The following TASP1 variants were observed in gnomAD, a reference collection of about 807,000 sequenced individuals.
The protein encoded by TASP1 is threonine aspartase 1.
Under a neutral mutation model 56.6 loss-of-function variants are expected in TASP1, and 16 were observed. The observed-to-expected ratio is 0.28, with a 90% CI of 0.19 to 0.43. TASP1 has a LOEUF of 0.43. TASP1 is among the 20% of genes least tolerant of loss of function. TASP1 has a pLI of 1.00. For missense variants in TASP1, 393 were observed against 511.6 expected (o/e 0.77, Z 2.24); for synonymous variants, 179 against 184.2 (o/e 0.97, Z 0.23).
the TASP1 span, among the ~76,000 whole-genome samples, chr20:13,158,993 T>G: frequency 1.3e-5 from 2 of 152,208 alleles, no homozygotes; most frequent in African/African-American, 4.8e-5. Flanking sequence ...TTTACCTCAC[T>G]TATGGGTAAA....
At chr20:13,555,563 C>A (rs1350069688) in intron 8 of TASP1, among the ~76,000 whole-genome samples, 1 of 152,052 alleles carries the variant, frequency 6.6e-6, no homozygotes, top group East Asian at 1.9e-4. Flanking sequence ...CATCTTCAGG[C>A]CCTACCTCTA....
chr20:13,411,044 T>C (rs1378372564), intron 13 of TASP1, among the ~76,000 whole-genome samples: 1 of 152,168 alleles, frequency 6.6e-6, no homozygotes, highest in Non-Finnish European at 1.5e-5. Flanking sequence ...TTCTTCTGCA[T>C]ATGAATATCT....
At chr20:13,425,006 C>A (rs747154242) in intron 12 of TASP1, among the ~76,000 whole-genome samples, 9 of 152,184 alleles carry the variant, frequency 5.9e-5, no homozygotes, top group Non-Finnish European at 1.2e-4. Context: ...TAGGGATGAG[C>A]TGCACGTGTG....
chr20:13,434,338 C>T (rs2042930735), intron 12 of TASP1, among the ~76,000 whole-genome samples: 1 of 152,056 alleles, frequency 6.6e-6, no homozygotes, highest in Non-Finnish European at 1.5e-5. Flanking sequence ...TTTAATGTGT[C>T]CCCTCTGGAG....
chr20:13,347,841 C>CAAAA, the TASP1 span, among the ~76,000 whole-genome samples: 1 of 101,794 alleles, frequency 9.8e-6, no homozygotes, highest in African/African-American at 3.6e-5. Context: ...GACTTTGTCT[C>CAAAA]AAAAAAAAAA....
chr20:13,588,310 A>AAGGAAGGAAGGAAGG (rs1568618336), intron 4 of TASP1, among the ~76,000 whole-genome samples: 60 of 101,804 alleles, frequency 5.9e-4, no homozygotes, highest in Non-Finnish European at 1.2e-3. Flanking sequence ...AGGAAGGAAG[A>AAGGAAGGAAGGAAGG]GAAAGAAAAG....
intron 6 of TASP1, among the ~76,000 whole-genome samples, chr20:13,576,395 A>AAGAAAGTAAGTC (rs1555793620): frequency 7.0e-6 from 1 of 142,316 alleles, no homozygotes; most frequent in East Asian, 2.0e-4. Flanking sequence ...GAAAGAAAGA[A>AAGAAAGTAAGTC]AGTCAGTCTT....
the TASP1 span, among the ~76,000 whole-genome samples, chr20:13,130,439 T>C: frequency 1.3e-5 from 2 of 152,238 alleles, no homozygotes; most frequent in Admixed American, 1.3e-4. Flanking sequence ...TGTTCCTTGA[T>C]GAATGTCTTC....
At chr20:13,282,307 T>C in the TASP1 span, among the ~76,000 whole-genome samples, 1 of 152,168 alleles carries the variant, frequency 6.6e-6, no homozygotes, top group African/African-American at 2.4e-5. Context: ...AATGAGAAGG[T>C]CTAGAAGTGA....
the TASP1 span, chr20:13,288,417 C>T: frequency 9.6e-7 from 1 of 1,040,482 alleles, no homozygotes; most frequent in Non-Finnish European, 1.4e-6. Context: ...GCTGAAAAGT[C>T]CTCTCCAGCA....
intron 4 of TASP1, chr20:13,614,971 T>C (rs979433455): frequency 1.1e-4 from 35 of 331,890 alleles, no homozygotes; most frequent in Non-Finnish European, 1.7e-4. Context: ...TTATACCTTT[T>C]AACCATATTG....
intron 11 of TASP1, among the ~76,000 whole-genome samples, chr20:13,476,783 T>G (rs1009771728): frequency 1.3e-5 from 2 of 152,130 alleles, no homozygotes; most frequent in African/African-American, 4.8e-5. Context: ...TATATTTTCC[T>G]TATTTTGCAG....
chr20:13,381,206 TA>T, the TASP1 span, among the ~76,000 whole-genome samples: 5 of 152,174 alleles, frequency 3.3e-5, no homozygotes, highest in Admixed American at 3.3e-4. Flanking sequence ...CCTGGTGGTA[TA>T]GGCACCCAAG....
chr20:13,607,515 A>C (rs2048200368), intron 4 of TASP1, among the ~76,000 whole-genome samples: 1 of 152,246 alleles, frequency 6.6e-6, no homozygotes, highest in African/African-American at 2.4e-5. Flanking sequence ...TAGTTTTCAA[A>C]TATTGTACAA....
At chr20:13,110,192 C>G in the TASP1 span, 1 of 1,613,500 alleles carries the variant, frequency 6.2e-7, no homozygotes, top group African/African-American at 1.3e-5. Flanking sequence ...GAAAAAGATT[C>G]TCATCCTGGT....
chr20:13,240,080 C>T, the TASP1 span, among the ~76,000 whole-genome samples: 1 of 152,110 alleles, frequency 6.6e-6, no homozygotes, highest in African/African-American at 2.4e-5. Context: ...TGCAGTAAGG[C>T]AAATGAAATA....
the TASP1 span, among the ~76,000 whole-genome samples, chr20:13,238,440 T>C: frequency 1.3e-5 from 2 of 152,044 alleles, no homozygotes; most frequent in African/African-American, 2.4e-5. Context: ...TTCAGTAGGG[T>C]AAACATTTTT....
the TASP1 span, among the ~76,000 whole-genome samples, chr20:13,225,422 G>A: frequency 2.0e-5 from 3 of 152,192 alleles, no homozygotes; most frequent in Non-Finnish European, 4.4e-5. Context: ...TGTTAACTAT[G>A]ACATATATGT....
At chr20:13,121,946 A>C in the TASP1 span, among the ~76,000 whole-genome samples, 5 of 152,232 alleles carry the variant, frequency 3.3e-5, no homozygotes, top group Admixed American at 3.3e-4. Flanking sequence ...TCTGTGAATT[A>C]GGGTTGGGGA....
Sources: allele counts gnomAD v4.1 joint callset (sites outside exome capture counted in the v4.1 genomes callset), GRCh38; gene constraint gnomAD v4.1.1; transcripts MANE v1.5; gene names NCBI Gene and HGNC (gene_info 2026-07-23, HGNC 2026-07-21).